Variants in IBTK observed in about 807,000 individuals in gnomAD.
IBTK encodes BTK-binding protein.
Under a neutral mutation model 154.9 loss-of-function variants are expected in IBTK, and 83 were observed. The ratio of observed to expected loss-of-function variants is 0.54; its 90% CI spans 0.45 to 0.64. The LOEUF (loss-of-function observed/expected upper bound fraction) is 0.64, where lower values mean the gene tolerates loss of function less well. Ranked by LOEUF, IBTK falls within the 30% of genes least tolerant of loss-of-function variation. The pLI is 0.00. For missense variants in IBTK, 1,332 were observed against 1,584.6 expected (o/e 0.84, Z 2.71); for synonymous variants, 515 against 536.1 (o/e 0.96, Z 0.54).
chr6:82,197,373 A>AT (rs11422131), intron 21 of IBTK, among the ~76,000 whole-genome samples: 63,108 of 138,330 alleles, frequency 0.46, 14,691 homozygotes, highest in East Asian at 0.76. Context: ...ATCTTTTTGA[A>AT]TTTTTTTTTT....
At chr6:82,245,513 T>C (rs1158877382) in intron 1 of IBTK, among the ~76,000 whole-genome samples, 3 of 151,906 alleles carry the variant, frequency 2.0e-5, no homozygotes, top group African/African-American at 7.3e-5. Flanking sequence ...GCCAAGATCA[T>C]GCAACTGCAC....
intron 1 of IBTK, among the ~76,000 whole-genome samples, chr6:82,241,080 C>A (rs563153478): frequency 6.6e-6 from 1 of 151,814 alleles, no homozygotes; most frequent in Non-Finnish European, 1.5e-5. Flanking sequence ...GGGTTAATTC[C>A]TTTTTTTTCT....
At position 82,174,415 on chromosome 6, in the gene IBTK, T is replaced by C. The variant is rs551575021; in HGVS notation, c.3726-977A>G. On this transcript the variant is annotated intron_variant, in intron 26 of 28. Coordinates refer to ENST00000306270, the MANE Select transcript of IBTK (RefSeq NM_015525.4). ...AAAATACAATATGGAAGATTGTATA[T>C]ACTGATGGCTTCACTGAGGAAATGA... Among the ~76,000 whole-genome samples the C allele has an allele frequency of 1.9e-4, 29 of 152,302 alleles. No homozygotes were observed. In the South Asian group the frequency reaches 5.8e-3, roughly 30 times the overall value.
intron 9 of IBTK, among the ~76,000 whole-genome samples, chr6:82,218,886 A>G (rs935875043): frequency 2.6e-5 from 4 of 152,214 alleles, no homozygotes; most frequent in African/African-American, 7.2e-5. Flanking sequence ...GTCGCTAAAA[A>G]GTTATTCACA....
intron 23 of IBTK, 54 bp from the exon 24 acceptor site, chr6:82,191,933 AC>A: frequency 2.2e-6 from 2 of 923,012 alleles, no homozygotes; most frequent in Non-Finnish European, 3.4e-6. Flanking sequence ...ATAAAGCCCA[AC>A]CCCCAACTTC....
Position 82,171,118 on chromosome 6 carries a change from C to G in IBTK, c.*307G>C, listed in dbSNP as rs1313597693. 1 of 166,162 alleles carries G rather than the reference C, an allele frequency of 6.0e-6. No homozygotes were observed. The highest frequency in any genetic ancestry group is 1.3e-5 in the Non-Finnish European group (1 of 77,764). The allele number at this position is 166,162 out of a possible 1,614,324, so 10.3% of individuals were successfully genotyped here. A position where few individuals can be genotyped will look rare whatever the true frequency, so the allele number is the denominator to read the frequency against. On this transcript the variant is annotated 3_prime_UTR_variant, in exon 29 of 29. Transcript: ENST00000306270. ...CAAAAAAGTTATTTTTAATACTTTACCCCCCTTATATCTTATGATTCAATC... is the reference window on the plus strand; with the variant it reads ...CAAAAAAGTTATTTTTAATACTTTAGCCCCCTTATATCTTATGATTCAATC...
chr6:82,173,875 A>G (rs572848801), intron 26 of IBTK, among the ~76,000 whole-genome samples: 9 of 152,236 alleles, frequency 5.9e-5, no homozygotes, highest in Admixed American at 5.9e-4. Context: ...AACAGAACAG[A>G]ATTTAAGACA....
At chr6:82,203,759 A>T (rs573690518) in intron 17 of IBTK, among the ~76,000 whole-genome samples, 1 of 152,270 alleles carries the variant, frequency 6.6e-6, no homozygotes, top group South Asian at 2.1e-4. Flanking sequence ...ACAAGTGTAA[A>T]ATATCACTTA....
In IBTK at chr6:82,227,278, C is replaced by T; in HGVS notation, c.568G>A (p.Val190Met). 3.7e-6 allele frequency: 6 copies of T among 1,607,170 alleles called. No homozygotes were observed. Among genetic ancestry groups the T allele is most frequent in the Non-Finnish European group, 5.1e-6 (6 of 1,177,072 alleles). ...ACCTGCCCTTTCTGAGACAGAAACA[C>T]GGAGTGAAATTTACAAAGCACCACC... ...KQVVLCKFHS[V>M]FLSQKGQVYT... Residue 190 changes from valine (V) to methionine (M), a missense_variant, in exon 5 of 29, where the codon GTG (valine) becomes ATG (methionine). Val to Met is a conservative substitution (Grantham distance 21). This residue lies in a region of IBTK where 114 missense variants were observed against 213.7 expected (regional missense o/e 0.53). Transcript: ENST00000306270.
intron 2 of IBTK, among the ~76,000 whole-genome samples, chr6:82,235,321 C>T (rs536190649): frequency 5.9e-5 from 9 of 152,150 alleles, no homozygotes; most frequent in Non-Finnish European, 1.0e-4. Context: ...CTCTGCCGGG[C>T]GCAGTGGCTC....
chr6:82,204,903 G>A lies in IBTK; in HGVS notation c.2565C>T (p.Leu855=), dbSNP rs528225318. The A allele has an allele frequency of 3.3e-5, 53 of 1,609,278 alleles. 1 individual carries two copies. In the South Asian group the frequency reaches 5.0e-4, roughly 15 times the overall value. ...CACAAATCTCTTTCAACCGGGTTAT[G>A]AGAAGTTGATCAGCCACCACAAGAA... The part of the protein sequence containing the change: ...CSVLVVADQL[L]ITRLKEICEV... The change falls in exon 17 of 29, where the codon CTC becomes CTT. Residue 855 remains leucine, a synonymous_variant. Transcript: ENST00000306270.
chr6:82,225,974 A>G (rs1234553734), intron 5 of IBTK, among the ~76,000 whole-genome samples: 1 of 152,220 alleles, frequency 6.6e-6, no homozygotes, highest in East Asian at 1.9e-4. Flanking sequence ...TACATTGAAA[A>G]AAAAACAAAA....
intron 4 of IBTK, among the ~76,000 whole-genome samples, chr6:82,230,468 T>G (rs1045187723): frequency 6.6e-6 from 1 of 152,036 alleles, no homozygotes; most frequent in Non-Finnish European, 1.5e-5. Context: ...ATTATTGGGG[T>G]TGAAATGAAT....
At chr6:82,194,422 T>C in intron 23 of IBTK, 57 bp downstream of exon 23, 1 of 1,138,160 alleles carries the variant, frequency 8.8e-7, no homozygotes, top group Non-Finnish European at 1.2e-6. Flanking sequence ...TTAAATTGCA[T>C]TAAAAATGAA....
intron 13 of IBTK, among the ~76,000 whole-genome samples, chr6:82,212,172 T>G (rs1769677750): frequency 6.6e-6 from 1 of 152,134 alleles, no homozygotes. Flanking sequence ...TTTTTGTATT[T>G]TCTTCGTAGA....
At chr6:82,243,985 C>T (rs975901504) in intron 1 of IBTK, among the ~76,000 whole-genome samples, 2 of 151,964 alleles carry the variant, frequency 1.3e-5, no homozygotes, top group Non-Finnish European at 2.9e-5. Flanking sequence ...AACATGGAAG[C>T]GATTAAGAGC....
rs80053512 is a variant in IBTK, at chr6:82,195,701, G to A, written c.3174+597C>T. On this transcript the variant is annotated intron_variant, in intron 22 of 28. Transcript: ENST00000306270. ...GTTTTGTGGATGTGTAGGAGTTACA[G>A]AAAAGTGACTCTATCTCTATTCAGT... Among the ~76,000 whole-genome samples, 619 of 152,252 alleles carry A rather than the reference G, an allele frequency of 4.1e-3. 1 individual carries two copies. The highest frequency in any genetic ancestry group is 0.014 in the African/African-American group (581 of 41,558).
At chr6:82,244,755 A>G (rs997296731) in intron 1 of IBTK, among the ~76,000 whole-genome samples, 1 of 152,216 alleles carries the variant, frequency 6.6e-6, no homozygotes, top group African/African-American at 2.4e-5. Flanking sequence ...CAAAGGAAAT[A>G]AGCATTTAAA....
chr6:82,202,786 C>T (rs1397939181), intron 17 of IBTK, 141 bp from the exon 18 acceptor site: 2 of 546,990 alleles, frequency 3.7e-6, no homozygotes, highest in Admixed American at 3.5e-5. Flanking sequence ...TAAGTTAATA[C>T]TGGGGCAAAT....
Sources: allele counts gnomAD v4.1 joint callset (sites outside exome capture counted in the v4.1 genomes callset), GRCh38; gene constraint gnomAD v4.1.1; regional missense constraint gnomAD v4.1.1; transcripts MANE v1.5; gene names NCBI Gene and HGNC (gene_info 2026-07-23, HGNC 2026-07-21).